The following PLXNA4 variants were observed in gnomAD, a reference collection of about 807,000 sequenced individuals.
PLXNA4 encodes the protein plexin-A4.
Under a neutral mutation model 191.8 loss-of-function variants are expected in PLXNA4, and 44 were observed. The ratio of observed to expected loss-of-function variants is 0.23; its 90% CI spans 0.18 to 0.29. The LOEUF (loss-of-function observed/expected upper bound fraction) is 0.29, where lower values mean the gene tolerates loss of function less well. Ranked by LOEUF, PLXNA4 falls within the 10% of genes least tolerant of loss-of-function variation. The pLI, the probability that PLXNA4 is intolerant of heterozygous loss-of-function variation, is 1.00. For synonymous variants in PLXNA4, 1,082 were observed against 1,009.5 expected (o/e 1.07, Z -1.36); for missense variants, 1,800 against 2,488.8 (o/e 0.72, Z 5.89).
At chr7:132,612,232 G>A (rs1803061909) in intron 2 of PLXNA4, among the ~76,000 whole-genome samples, 1 of 152,200 alleles carries the variant, frequency 6.6e-6, no homozygotes, top group Non-Finnish European at 1.5e-5. Context: ...CTGGGAAATA[G>A]CACCTGTTAG....
intron 3 of PLXNA4, among the ~76,000 whole-genome samples, chr7:132,444,826 G>A (rs1040327813): frequency 5.9e-5 from 9 of 151,886 alleles, no homozygotes; most frequent in African/African-American, 2.2e-4. Context: ...TGGACGTGCA[G>A]GAGAAACTGA....
intron 3 of PLXNA4, among the ~76,000 whole-genome samples, chr7:132,301,309 C>G (rs1376287000): frequency 6.6e-6 from 1 of 152,168 alleles, no homozygotes; most frequent in Non-Finnish European, 1.5e-5. Flanking sequence ...GTAGAATGGA[C>G]CAGCTGCCGG....
At chr7:132,284,940 C>G (rs1800627892) in intron 4 of PLXNA4, among the ~76,000 whole-genome samples, 1 of 152,000 alleles carries the variant, frequency 6.6e-6, no homozygotes, top group Non-Finnish European at 1.5e-5. Flanking sequence ...GTCTCAAACT[C>G]CTGACCTCAG....
intron 5 of PLXNA4, among the ~76,000 whole-genome samples, chr7:132,231,341 C>T (rs1798515528): frequency 6.6e-6 from 1 of 152,244 alleles, no homozygotes; most frequent in Admixed American, 6.5e-5. Flanking sequence ...CTTTCTCTGA[C>T]ATCCTCATTT....
In PLXNA4 at chr7:132,555,057, C is replaced by CA. The variant is rs1329396023; in HGVS notation, c.-87+21364dup. Among the ~76,000 whole-genome samples the CA allele has an allele frequency of 2.3e-3, 307 of 131,932 alleles. 2 individuals carry two copies. Among genetic ancestry groups the CA allele is most frequent in the Non-Finnish European group, 3.7e-3 (238 of 63,732 alleles). 86.6% of individuals were successfully genotyped at this position (131,932 alleles called of 152,430 possible). A position where few individuals can be genotyped will look rare whatever the true frequency, so the allele number is the denominator to read the frequency against. On this transcript the variant is annotated intron_variant, in intron 1 of 31. Coordinates refer to ENST00000321063, the MANE Select transcript of PLXNA4 (RefSeq NM_020911.2). ...GGTAAACCTGAAGGAAAAAAAAAAA[C>CA]AAAAAAAAAACAGTAACCATCACCA...
intron 3 of PLXNA4, among the ~76,000 whole-genome samples, 194 bp from the exon 4 acceptor site, chr7:132,298,416 A>T (rs1801186210): frequency 6.6e-6 from 1 of 152,232 alleles, no homozygotes; most frequent in Admixed American, 6.5e-5. Flanking sequence ...CAGAGAGGGA[A>T]GTGGGGGACC....
At chr7:132,528,419 C>T (rs746366127) in intron 1 of PLXNA4, among the ~76,000 whole-genome samples, 3 of 152,280 alleles carry the variant, frequency 2.0e-5, no homozygotes, top group East Asian at 1.9e-4. Context: ...CACACATGGC[C>T]GCACCCCAGA....
intron 1 of PLXNA4, among the ~76,000 whole-genome samples, chr7:132,566,804 C>T (rs1007654783): frequency 6.6e-6 from 1 of 152,162 alleles, no homozygotes; most frequent in Non-Finnish European, 1.5e-5. Context: ...AGGCCACTGT[C>T]GCTAAAGTTT....
At chr7:132,567,607 C>G (rs751614596) in intron 1 of PLXNA4, among the ~76,000 whole-genome samples, 1 of 152,138 alleles carries the variant, frequency 6.6e-6, no homozygotes, top group Non-Finnish European at 1.5e-5. Context: ...TCTTCTCCAC[C>G]TTATCCTACT....
intron 29 of PLXNA4, among the ~76,000 whole-genome samples, chr7:132,144,531 G>C (rs557359671): frequency 5.9e-4 from 90 of 152,196 alleles, no homozygotes; most frequent in Non-Finnish European, 1.2e-3. Context: ...AAAGAGAAGA[G>C]AGCAATTGCT....
Position 132,236,702 on chromosome 7 carries a change from C to A in PLXNA4, c.1604+4364G>T, listed in dbSNP as rs1798713586. Among the ~76,000 whole-genome samples, 5 of 152,244 alleles carry A rather than the reference C, an allele frequency of 3.3e-5. No homozygotes were observed. In the South Asian group the frequency reaches 1.0e-3, roughly 32 times the overall value. The stretch of plus-strand genomic sequence containing the variant: ...AGGGCAGGTCTGAGAGATCTACGGA[C>A]AAATTTGTGAGTGTGGACACAGCAC... On this transcript the variant is annotated intron_variant, in intron 5 of 31. Coordinates refer to ENST00000321063, the MANE Select transcript of PLXNA4 (RefSeq NM_020911.2).
intron 3 of PLXNA4, among the ~76,000 whole-genome samples, chr7:132,380,243 A>C (rs1414563079): frequency 6.6e-6 from 1 of 152,190 alleles, no homozygotes; most frequent in Non-Finnish European, 1.5e-5. Flanking sequence ...CCCTGTAGAG[A>C]GCAGCCTGTG....
chr7:132,479,848 G>A (rs892552571), intron 3 of PLXNA4, among the ~76,000 whole-genome samples: 1 of 152,162 alleles, frequency 6.6e-6, no homozygotes, highest in African/African-American at 2.4e-5. Flanking sequence ...AGTAGAGACA[G>A]GGTTTTGCCA....
intron 2 of PLXNA4, among the ~76,000 whole-genome samples, chr7:132,597,508 G>A (rs890206754): frequency 6.6e-6 from 1 of 151,922 alleles, no homozygotes; most frequent in African/African-American, 2.4e-5. Context: ...TAGGCTTTAG[G>A]CCAGAGAATT....
At chr7:132,384,921 A>G in intron 3 of PLXNA4, 1 of 1,271,556 alleles carries the variant, frequency 7.9e-7, no homozygotes, top group Non-Finnish European at 1.0e-6. Context: ...AAGTGATAAC[A>G]CCACAAGAGT....
intron 3 of PLXNA4, among the ~76,000 whole-genome samples, chr7:132,437,861 C>G (rs1795535936): frequency 6.6e-6 from 1 of 152,200 alleles, no homozygotes; most frequent in Non-Finnish European, 1.5e-5. Context: ...GTGATTCCCT[C>G]CACATTAAGT....
At chr7:132,446,954 G>A (rs1009797969) in intron 3 of PLXNA4, among the ~76,000 whole-genome samples, 3 of 150,508 alleles carry the variant, frequency 2.0e-5, no homozygotes, top group African/African-American at 4.8e-5. Flanking sequence ...CTCCCCACCC[G>A]CCCACATCCA....
Position 132,282,590 on chromosome 7 carries a change from T to C in PLXNA4, c.1503+15501A>G, listed in dbSNP as rs372656249. ...CACTCCAGGCTTATAGCCTGGGTGA[T>C]AGAGCCAGACCTTGTCTCAGAAAAA... On this transcript the variant is annotated intron_variant, in intron 4 of 31. Coordinates refer to ENST00000321063, the MANE Select transcript of PLXNA4 (RefSeq NM_020911.2). Among the ~76,000 whole-genome samples, 19 of 114,354 alleles carry C rather than the reference T, an allele frequency of 1.7e-4. 1 individual carries two copies. The South Asian group carries it at 4.9e-3, about 29-fold the overall frequency. The allele number at this position is 114,354 out of a possible 152,430, so 75.0% of individuals were successfully genotyped here. A position where few individuals can be genotyped will look rare whatever the true frequency, so the allele number is the denominator to read the frequency against.
intron 3 of PLXNA4, among the ~76,000 whole-genome samples, chr7:132,461,542 T>C (rs772658498): frequency 2.0e-4 from 30 of 152,204 alleles, no homozygotes; most frequent in African/African-American, 6.5e-4. Context: ...CTTTCCTGCA[T>C]TGAAAACTGG....
Sources: allele counts gnomAD v4.1 joint callset (sites outside exome capture counted in the v4.1 genomes callset), GRCh38; gene constraint gnomAD v4.1.1; transcripts MANE v1.5; gene names NCBI Gene and HGNC (gene_info 2026-07-23, HGNC 2026-07-21).